The following EYS variants were observed in gnomAD, a reference collection of about 807,000 sequenced individuals.
EYS encodes the protein protein eyes shut homolog.
EYS carries 250 observed loss-of-function variants against 282.1 expected under a neutral mutation model. The ratio of observed to expected loss-of-function variants is 0.89; its 90% CI spans 0.80 to 0.98. The LOEUF is 0.98. Among genes scored for constraint, EYS ranks in the 50% least tolerant of loss-of-function variants. The pLI is 0.00. For missense variants in EYS, 4,016 were observed against 3,709.0 expected, an observed-to-expected ratio of 1.08 and a Z score of -2.15; for synonymous variants, 1,355 against 1,282.9, an observed-to-expected ratio of 1.06 and a Z score of -1.20.
At chr6:64,675,418 C>CTTTTTTTTTTTTTTT (rs1034029693) in intron 22 of EYS, among the ~76,000 whole-genome samples, 1 of 76,566 alleles carries the variant, frequency 1.3e-5, no homozygotes. Context: ...TCCTGTTTCT[C>CTTTTTTTTTTTTTTT]TTTTTTTTTC....
intron 12 of EYS, among the ~76,000 whole-genome samples, chr6:65,095,673 C>T (rs1020606046): frequency 1.3e-5 from 2 of 150,718 alleles, no homozygotes; most frequent in Admixed American, 1.3e-4. Flanking sequence ...TAATTCTTTT[C>T]GTTAACAGAA....
intron 28 of EYS, among the ~76,000 whole-genome samples, chr6:64,429,794 G>T (rs1460989681): frequency 6.6e-6 from 1 of 152,116 alleles, no homozygotes; most frequent in Non-Finnish European, 1.5e-5. Context: ...TGGAAAGGAA[G>T]AGAAAAATAG....
chr6:65,026,916 C>CAAAAAAAAAAAAAAAAA (rs1260312589), intron 13 of EYS, among the ~76,000 whole-genome samples: 53 of 107,776 alleles, frequency 4.9e-4, no homozygotes, highest in East Asian at 1.8e-3. Flanking sequence ...GACTCCGTCT[C>CAAAAAAAAAAAAAAAAA]AAAAAAAAAA....
At chr6:64,294,674 T>C (rs556912887) in intron 30 of EYS, among the ~76,000 whole-genome samples, 2 of 152,324 alleles carry the variant, frequency 1.3e-5, no homozygotes, top group South Asian at 4.1e-4. Flanking sequence ...ACTTTTTCAC[T>C]GTGGTTATAC....
At chr6:64,712,938 C>G (rs958942650) in intron 22 of EYS, among the ~76,000 whole-genome samples, 1 of 152,130 alleles carries the variant, frequency 6.6e-6, no homozygotes, top group Admixed American at 6.5e-5. Flanking sequence ...AGCCACACAT[C>G]AAAACAACTA....
chr6:64,243,228 C>A (rs1766894812), intron 30 of EYS, among the ~76,000 whole-genome samples: 1 of 151,980 alleles, frequency 6.6e-6, no homozygotes, highest in Non-Finnish European at 1.5e-5. Context: ...ACATTTCATA[C>A]AAATACATAT....
At chr6:64,065,895 A>G (rs1412734440) in intron 33 of EYS, among the ~76,000 whole-genome samples, 1 of 152,240 alleles carries the variant, frequency 6.6e-6, no homozygotes, top group East Asian at 1.9e-4. Flanking sequence ...AAAAGTAAAC[A>G]AAACAATTTT....
intron 31 of EYS, among the ~76,000 whole-genome samples, chr6:64,093,213 C>T (rs879935704): frequency 3.4e-3 from 446 of 132,862 alleles, no homozygotes; most frequent in African/African-American, 5.3e-3. Context: ...GTTCTTTTGG[C>T]TTAGGATTGA....
At chr6:64,779,185 T>C (rs920397170) in intron 22 of EYS, among the ~76,000 whole-genome samples, 1 of 152,166 alleles carries the variant, frequency 6.6e-6, no homozygotes, top group East Asian at 1.9e-4. Flanking sequence ...CTCAAAAACC[T>C]GCCACAAATA....
At chr6:65,281,556 A>T (rs1045873449) in intron 12 of EYS, among the ~76,000 whole-genome samples, 1 of 152,204 alleles carries the variant, frequency 6.6e-6, no homozygotes, top group African/African-American at 2.4e-5. Flanking sequence ...TTGCAGCTGC[A>T]CACTTTTGAA....
chr6:64,095,336 C>CAT (rs1366262814), intron 31 of EYS, among the ~76,000 whole-genome samples: 14 of 152,056 alleles, frequency 9.2e-5, no homozygotes, highest in Non-Finnish European at 1.8e-4. Flanking sequence ...GTTGATCTGT[C>CAT]TAATGTTGAC....
chr6:64,656,854 C>T (rs1224529779), intron 22 of EYS, among the ~76,000 whole-genome samples: 1 of 152,130 alleles, frequency 6.6e-6, no homozygotes, highest in Non-Finnish European at 1.5e-5. Context: ...TGGAAATTGG[C>T]TGTAAAAGGT....
At chr6:65,141,079 C>G (rs1174750794) in intron 12 of EYS, among the ~76,000 whole-genome samples, 3 of 151,836 alleles carry the variant, frequency 2.0e-5, no homozygotes, top group African/African-American at 7.3e-5. Context: ...ATAGCAAAGA[C>G]TTGGAACCAA....
intron 12 of EYS, among the ~76,000 whole-genome samples, chr6:65,282,568 T>C (rs1252063488): frequency 2.6e-5 from 4 of 152,016 alleles, no homozygotes; most frequent in Non-Finnish European, 5.9e-5. Flanking sequence ...TACTACATGA[T>C]TATAGAACAG....
intron 22 of EYS, among the ~76,000 whole-genome samples, chr6:64,665,921 G>T (rs1033137405): frequency 2.3e-4 from 7 of 30,788 alleles, no homozygotes; most frequent in Non-Finnish European, 1.1e-3. Flanking sequence ...CTCTAGTGAG[G>T]GGGTGGCTGG....
At chr6:64,281,725 A>G (rs1005466836) in intron 30 of EYS, among the ~76,000 whole-genome samples, 15 of 152,236 alleles carry the variant, frequency 9.9e-5, no homozygotes, top group East Asian at 5.8e-4. Context: ...GGCATAATGA[A>G]CCACCATAAA....
chr6:64,212,259 A>G (rs941490621), intron 31 of EYS, among the ~76,000 whole-genome samples: 4 of 152,150 alleles, frequency 2.6e-5, no homozygotes, highest in Non-Finnish European at 2.9e-5. Context: ...GACTACTCAA[A>G]TAATTTACCG....
intron 29 of EYS, among the ~76,000 whole-genome samples, chr6:64,385,756 G>T (rs775442435): frequency 2.0e-4 from 31 of 152,086 alleles, no homozygotes; most frequent in Admixed American, 5.9e-4. Flanking sequence ...GCTTCTTCCA[G>T]TTCATTTATT....
At position 64,827,103 on chromosome 6, in the gene EYS, A is replaced by T. The variant is rs556939129; in HGVS notation, c.2993-4281T>A. Among the ~76,000 whole-genome samples the T allele has an allele frequency of 7.1e-4, 108 of 151,986 alleles. 1 individual carries two copies. The highest frequency in any genetic ancestry group is 3.9e-4 in the Admixed American group (6 of 15,206). On this transcript the variant is annotated intron_variant, in intron 19 of 42. Transcript: ENST00000503581. ...AATAGGACTGACAAGCTATATTTTT[A>T]AAAATCTCTCTAGATGATGGTAAAT...
Sources: allele counts gnomAD v4.1 joint callset (sites outside exome capture counted in the v4.1 genomes callset), GRCh38; gene constraint gnomAD v4.1.1; transcripts MANE v1.5; gene names NCBI Gene and HGNC (gene_info 2026-07-23, HGNC 2026-07-21).